The following CGA variants were observed in gnomAD, a reference collection of about 807,000 sequenced individuals.
The protein encoded by CGA is glycoprotein hormones alpha chain.
Under a neutral mutation model 12.0 loss-of-function variants are expected in CGA, and 4 were observed. The ratio of observed to expected loss-of-function variants is 0.33; its 90% confidence interval spans 0.16 to 0.76. The LOEUF (loss-of-function observed/expected upper bound fraction) is 0.76. CGA is among the 30% of genes least tolerant of loss of function. The pLI is 0.60. For synonymous variants in CGA, 60 were observed against 56.6 expected (o/e 1.06, Z -0.27); for missense variants, 102 against 143.5 (o/e 0.71, Z 1.48).
chr6:87,088,346 C>T (rs902813772), intron 1 of CGA, 139 bp from the exon 2 acceptor site: 7 of 455,670 alleles, frequency 1.5e-5, no homozygotes, highest in Non-Finnish European at 2.7e-5. Context: ...GCTTTTAGCT[C>T]CCAACATATA....
intron 1 of CGA, 33 bp from the exon 2 acceptor site, chr6:87,088,240 A>AAAC (rs1266841646): frequency 7.6e-7 from 1 of 1,316,492 alleles, no homozygotes; most frequent in African/African-American, 1.5e-5. Context: ...AAAAAAAACA[A>AAAC]AAAACAGTTA....
chr6:87,094,281 T>C (rs1251475789), intron 1 of CGA, among the ~76,000 whole-genome samples: 1 of 152,136 alleles, frequency 6.6e-6, no homozygotes, highest in African/African-American at 2.4e-5. Flanking sequence ...ACAAAAAAGG[T>C]CTTTTATTTT....
intron 3 of CGA, 116 bp from the exon 4 acceptor site, chr6:87,085,949 A>G (rs899077517): frequency 1.7e-5 from 13 of 780,968 alleles, no homozygotes; most frequent in Admixed American, 2.1e-5. Flanking sequence ...AAGTAGATGC[A>G]TACTACATTT....
chr6:87,090,059 T>C (rs2127754827), intron 1 of CGA, among the ~76,000 whole-genome samples: 1 of 152,326 alleles, frequency 6.6e-6, no homozygotes, highest in Middle Eastern at 3.4e-3. Context: ...TCAACCTGTA[T>C]AGAAATTCAG....
chr6:87,093,873 A>C (rs1450212100), intron 1 of CGA, among the ~76,000 whole-genome samples: 1 of 152,108 alleles, frequency 6.6e-6, no homozygotes, highest in Non-Finnish European at 1.5e-5. Flanking sequence ...AATTTCAATG[A>C]CTCTTACTGC....
rs376588601 is a variant in CGA at position 87,086,389 on chromosome 6, G to A, written c.134C>T (p.Pro45Leu). 23 of 1,613,426 alleles carry A rather than the reference G, an allele frequency of 1.4e-5. No individual in the cohort carries two copies. Among genetic ancestry groups the A allele is most frequent in the Middle Eastern group, 1.7e-4 (1 of 6,046 alleles). The change falls in exon 3 of 4, where the codon CCG becomes CTG. Residue 45 changes from proline to leucine, a missense_variant. Physicochemically the swap from Pro to Leu is moderately conservative, Grantham distance 98. Coordinates refer to ENST00000627148, the MANE Select transcript of CGA (RefSeq NM_000735.4). ...TLQENPFFSQ[P>L]GAPILQCMGC... ...CATGCACTGAAGTATTGGGGCACCC[G>A]GCTGGGAGAAGAATGGGTTTTCCTG...
At chr6:87,087,906 TG>T in intron 2 of CGA, 1 of 360,166 alleles carries the variant, frequency 2.8e-6, no homozygotes, top group Admixed American at 4.6e-5. Context: ...GCTGCATAAA[TG>T]GTTGTGTAAG....
intron 3 of CGA, 193 bp downstream of exon 3, chr6:87,086,057 A>G (rs1022555177): frequency 3.0e-6 from 2 of 656,578 alleles, no homozygotes; most frequent in Non-Finnish European, 5.2e-6. Context: ...CCTCATTCTG[A>G]ATAAATCCAG....
rs1390720920 is a variant in CGA at position 87,085,546 on chromosome 6, C to T, written c.*210G>A. 5.9e-6 allele frequency: 3 copies of T among 512,280 alleles called. No individual in the cohort carries two copies. Among genetic ancestry groups the T allele is most frequent in the African/African-American group, 5.8e-5 (3 of 51,944 alleles). The allele number at this position is 512,280 out of a possible 1,614,324, so 31.7% of individuals were successfully genotyped here. On this transcript the variant is annotated 3_prime_UTR_variant, in exon 4 of 4. Transcript: ENST00000627148. ...TATTTGCAGTGGAACAAGCTAAATG[C>T]TGTATTCATTCCAAATGAAAAGAAC...
At chr6:87,086,678 T>G in intron 2 of CGA, 1 of 416,964 alleles carries the variant, frequency 2.4e-6, no homozygotes, top group South Asian at 4.2e-5. Flanking sequence ...CCCAGCTGCT[T>G]GAGGGTCTGG....
chr6:87,091,008 A>C (rs1180888358), intron 1 of CGA, among the ~76,000 whole-genome samples: 1 of 151,802 alleles, frequency 6.6e-6, no homozygotes, highest in South Asian at 2.1e-4. Flanking sequence ...TTGAGAATAC[A>C]CAAAGCCATA....
intron 1 of CGA, among the ~76,000 whole-genome samples, chr6:87,091,607 C>T (rs1769432592): frequency 6.6e-6 from 1 of 152,176 alleles, no homozygotes; most frequent in Non-Finnish European, 1.5e-5. Context: ...ACCTGCAATA[C>T]ACACCAACAT....
At chr6:87,092,688 GTC>G (rs1268895299) in intron 1 of CGA, among the ~76,000 whole-genome samples, 2 of 150,622 alleles carry the variant, frequency 1.3e-5, no homozygotes, top group African/African-American at 2.4e-5. Context: ...TATAAGGACT[GTC>G]TGCAGTGGGG....
Position 87,085,502 on chromosome 6 carries a change from A to C in CGA, c.*254T>G. On this transcript the variant is annotated 3_prime_UTR_variant, in exon 4 of 4. Transcript: ENST00000627148. ...AGAAAAATGATAATTCAGTGATTGA[A>C]TGATGATTTAAAAGGCTTTATTTGC... 1 of 350,118 alleles carries C rather than the reference A, an allele frequency of 2.9e-6. No individual in the cohort carries two copies. The allele number at this position is 350,118 out of a possible 1,614,324, so 21.7% of individuals were successfully genotyped here. A position where few individuals can be genotyped will look rare whatever the true frequency, so the allele number is the denominator to read the frequency against.
rs112465509 is a variant in CGA at position 87,086,194 on chromosome 6, T to A, written c.273+56A>T. On this transcript the variant is annotated intron_variant, in intron 3 of 3. Transcript: ENST00000627148. ...CATTAAATTCCATGGGTGGGCTCTA[T>A]GAACATTTCTCTGATTGGGCTGTTA... 7 of 1,498,252 alleles carry A rather than the reference T, an allele frequency of 4.7e-6. No individual in the cohort carries two copies. The African/African-American group carries it at 9.8e-5, about 21-fold the overall frequency. 92.8% of individuals were successfully genotyped at this position (1,498,252 alleles called of 1,614,324 possible). A position where few individuals can be genotyped will look rare whatever the true frequency, so the allele number is the denominator to read the frequency against.
chr6:87,089,141 A>G (rs994906365), intron 1 of CGA: 1 of 152,226 alleles, frequency 6.6e-6, no homozygotes, highest in African/African-American at 2.4e-5. Flanking sequence ...TGCAGGCTGA[A>G]TACTATATGA....
chr6:87,086,537 G>A, intron 2 of CGA, 103 bp from the exon 3 acceptor site: 1 of 1,151,688 alleles, frequency 8.7e-7, no homozygotes, highest in South Asian at 1.6e-5. Context: ...AGCACTTTGG[G>A]AGGCCTTAGT....
Position 87,086,114 on chromosome 6 carries a change from G to T in CGA, c.273+136C>A. 5.2e-6 allele frequency: 4 copies of T among 769,726 alleles called. No homozygotes were observed. In the South Asian group the frequency reaches 6.9e-5, roughly 13 times the overall value. 47.7% of individuals were successfully genotyped at this position (769,726 alleles called of 1,614,324 possible). The stretch of plus-strand genomic sequence containing the variant: ...ACTCTTTTAATTAATGGGTAGAAAT[G>T]TATTCCCCACCTGTACAAATGCTCG... On this transcript the variant is annotated intron_variant, in intron 3 of 3. Coordinates refer to ENST00000627148, the MANE Select transcript of CGA (RefSeq NM_000735.4).
intron 1 of CGA, among the ~76,000 whole-genome samples, chr6:87,093,833 A>C (rs144696676): frequency 6.6e-6 from 1 of 152,324 alleles, no homozygotes; most frequent in Non-Finnish European, 1.5e-5. Context: ...CCTTTTCAGC[A>C]GGAAATGGTA....
Sources: gnomAD v4.1 joint callset for allele counts (sites outside exome capture counted in the v4.1 genomes callset) on GRCh38, gnomAD v4.1.1 for gene constraint, MANE v1.5 for transcripts, NCBI Gene and HGNC (gene_info 2026-07-23, HGNC 2026-07-21) for gene names.